The following JAKMIP3 variants were observed in gnomAD, a reference collection of about 807,000 sequenced individuals.
The protein encoded by JAKMIP3 is Janus kinase and microtubule interacting protein 3.
JAKMIP3 carries 58 observed loss-of-function variants against 118.5 expected under a neutral mutation model. The observed-to-expected ratio is 0.49, with a 90% CI of 0.40 to 0.61. The LOEUF (loss-of-function observed/expected upper bound fraction) is 0.61. JAKMIP3 is among the 20% of genes least tolerant of loss of function. The pLI, the probability that JAKMIP3 is intolerant of heterozygous loss-of-function variation, is 0.00. For missense variants in JAKMIP3, 950 were observed against 1,109.0 expected (o/e 0.86, Z 2.04); for synonymous variants, 486 against 451.2 (o/e 1.08, Z -0.98).
At chr10:132,059,816 A>G (rs1269339757), upstream of JAKMIP3, among the ~76,000 whole-genome samples, 1 of 152,232 alleles carries the variant, frequency 6.6e-6, no homozygotes, top group East Asian at 1.9e-4. Context: ...CAGGTGTTCA[A>G]ATTCCCAGAT....
chr10:132,055,430 G>A (rs1274255867), intron 1 of JAKMIP3, among the ~76,000 whole-genome samples: 1 of 152,156 alleles, frequency 6.6e-6, no homozygotes, highest in South Asian at 2.1e-4. Context: ...CATGATTTGC[G>A]AATGGCATAA....
At chr10:132,101,687 G>A (rs1347953829) in intron 1 of JAKMIP3, among the ~76,000 whole-genome samples, 1 of 152,026 alleles carries the variant, frequency 6.6e-6, no homozygotes, top group Non-Finnish European at 1.5e-5. Flanking sequence ...GTGGTGGCCC[G>A]GGGCTCGGTC....
Position 132,104,686 on chromosome 10 carries a change from G to A in JAKMIP3, c.-123G>A, listed in dbSNP as rs2045633539. 2 of 951,076 alleles carry A rather than the reference G, an allele frequency of 2.1e-6. No individual in the cohort carries two copies. Among genetic ancestry groups the A allele is most frequent in the Non-Finnish European group, 3.2e-6 (2 of 630,566 alleles). The allele number at this position is 951,076 out of a possible 1,614,324, so 58.9% of individuals were successfully genotyped here. A position where few individuals can be genotyped will look rare whatever the true frequency, so the allele number is the denominator to read the frequency against. ...TTCCCCTCCAGGTGAATGAGAAGAT[G>A]TAGTGTGACAGCAGCCCGGGTGACA... On this transcript the variant is annotated 5_prime_UTR_variant, in exon 2 of 24. It removes an upstream start codon present in the reference 5' UTR. Coordinates refer to ENST00000684848, the MANE Select transcript of JAKMIP3 (RefSeq NM_001323087.2).
At chr10:132,154,882 G>GATGATGGTGATGATCGTGATC (rs2056834349) in intron 19 of JAKMIP3, among the ~76,000 whole-genome samples, 1 of 150,474 alleles carries the variant, frequency 6.6e-6, no homozygotes, top group African/African-American at 2.5e-5. Context: ...TGGTGGTGAT[G>GATGATGGTGATGATCGTGATC]ATGATGGTGA....
At chr10:132,125,999 C>T (rs1197318253) in intron 3 of JAKMIP3, among the ~76,000 whole-genome samples, 1 of 152,182 alleles carries the variant, frequency 6.6e-6, no homozygotes, top group Admixed American at 6.5e-5. Context: ...CTCATGGGCT[C>T]ACGCAGTCCT....
intron 23 of JAKMIP3, among the ~76,000 whole-genome samples, chr10:132,174,665 A>G (rs1182595623): frequency 2.0e-5 from 3 of 152,092 alleles, no homozygotes. Context: ...TGGTGAGTGC[A>G]TGCTTACTTT....
chr10:132,164,918 T>C (rs148045230), intron 21 of JAKMIP3, among the ~76,000 whole-genome samples, 183 bp downstream of exon 21: 1,344 of 134,268 alleles, frequency 0.01, 22 homozygotes, highest in African/African-American at 0.034. Context: ...GGAGCTGAGC[T>C]GGGTGGTAGC....
chr10:132,104,495 C>CG lies in JAKMIP3; in HGVS notation c.-137-174dup, dbSNP rs898134857. Among the ~76,000 whole-genome samples, 36 of 152,266 alleles carry CG rather than the reference C, an allele frequency of 2.4e-4. No homozygotes were observed. The Middle Eastern group carries it at 0.01, about 43-fold the overall frequency. On this transcript the variant is annotated intron_variant, in intron 1 of 23. Transcript: ENST00000684848. The stretch of plus-strand genomic sequence containing the variant: ...GTCCCTGTCTGGGGGCACCATATGG[C>CG]GGGCAGATGGGCTCTGAGGTCTGGG...
At chr10:132,041,114 G>T (rs1385289418) in intron 1 of JAKMIP3, among the ~76,000 whole-genome samples, 1 of 152,130 alleles carries the variant, frequency 6.6e-6, no homozygotes, top group Non-Finnish European at 1.5e-5. Context: ...GGAGTACAGT[G>T]GTGTGATCTC....
chr10:132,038,546 C>T (rs2037594928), intron 1 of JAKMIP3, among the ~76,000 whole-genome samples: 2 of 152,154 alleles, frequency 1.3e-5, no homozygotes, highest in African/African-American at 4.8e-5. Context: ...CCTGGAATCC[C>T]AGCACTTTGG....
At chr10:132,121,481 G>C (rs573189471) in intron 3 of JAKMIP3, among the ~76,000 whole-genome samples, 2 of 152,188 alleles carry the variant, frequency 1.3e-5, no homozygotes, top group Admixed American at 6.5e-5. Context: ...TGGGACGCTC[G>C]GCCTCACCGG....
chr10:132,115,802 A>G (rs1319608958), intron 2 of JAKMIP3, among the ~76,000 whole-genome samples: 1 of 152,256 alleles, frequency 6.6e-6, no homozygotes, highest in African/African-American at 2.4e-5. Flanking sequence ...ACCTTTGTCC[A>G]TTTCATTTAA....
chr10:132,180,664 T>TGTGCGCGC (rs1554963106), intron 23 of JAKMIP3, among the ~76,000 whole-genome samples: 4 of 31,652 alleles, frequency 1.3e-4, no homozygotes, highest in Non-Finnish European at 1.1e-4. Flanking sequence ...TGTGCGTGTG[T>TGTGCGCGC]GCGTGTGTGT....
intron 20 of JAKMIP3, 62 bp downstream of exon 20, chr10:132,163,474 G>A: frequency 5.5e-6 from 8 of 1,465,594 alleles, no homozygotes; most frequent in South Asian, 1.2e-5. Flanking sequence ...ACAGAGCCAG[G>A]GGGGGTCCTC....
At chr10:132,075,795 TA>T (rs1564870614) in intron 1 of JAKMIP3, among the ~76,000 whole-genome samples, 2 of 152,172 alleles carry the variant, frequency 1.3e-5, no homozygotes, top group South Asian at 4.1e-4. Context: ...TGAATAAAAA[TA>T]AAAAAGTCTT....
rs1264057187 is a variant in JAKMIP3, at chr10:132,049,938, G to A, written c.-138+13200G>A. On this transcript the variant is annotated intron_variant, in intron 1 of 23. Transcript: ENST00000657785. The surrounding 1 kb of genome is among the most constrained non-coding windows in gnomAD (Gnocchi z 4.3). ...TGAATCCCTTTTCTGTCAGCCTGGC[G>A]ATGTCCACACATTTTAGTGAGGTTT... Among the ~76,000 whole-genome samples, 2 of 152,160 alleles carry A rather than the reference G, an allele frequency of 1.3e-5. No homozygotes were observed. Among genetic ancestry groups the A allele is most frequent in the Admixed American group, 1.3e-4 (2 of 15,276 alleles).
At chr10:132,073,836 G>A (rs1388871466) in intron 1 of JAKMIP3, among the ~76,000 whole-genome samples, 1 of 152,042 alleles carries the variant, frequency 6.6e-6, no homozygotes, top group East Asian at 1.9e-4. Flanking sequence ...AGAAACATAT[G>A]GGTGCTGATA....
chr10:132,061,111 T>C (rs185686424), upstream of JAKMIP3, among the ~76,000 whole-genome samples: 9 of 152,236 alleles, frequency 5.9e-5, no homozygotes, highest in East Asian at 1.9e-4. Flanking sequence ...AAATATGAAG[T>C]GAGTAACAGT....
chr10:132,077,708 T>C (rs1164803514), intron 1 of JAKMIP3, among the ~76,000 whole-genome samples: 3 of 152,248 alleles, frequency 2.0e-5, no homozygotes, highest in African/African-American at 7.2e-5. Flanking sequence ...TGGAGTGCAA[T>C]GGCACGATCT....
Sources: allele counts gnomAD v4.1 joint callset (sites outside exome capture counted in the v4.1 genomes callset), GRCh38; gene constraint gnomAD v4.1.1; non-coding constraint Gnocchi (gnomAD v3.1); transcripts MANE v1.5; gene names NCBI Gene and HGNC (gene_info 2026-07-23, HGNC 2026-07-21).